GRM1: variants seen among roughly 807,000 people sequenced by gnomAD.
GRM1 encodes metabotropic glutamate receptor 1.
Under a neutral mutation model 90.9 loss-of-function variants are expected in GRM1, and 33 were observed. The observed-to-expected ratio is 0.36, with a 90% confidence interval of 0.28 to 0.49. The LOEUF (loss-of-function observed/expected upper bound fraction) is 0.49, where lower values mean the gene tolerates loss of function less well. GRM1 is among the 20% of genes least tolerant of loss of function. GRM1 has a pLI of 0.99. For missense variants in GRM1, 1,190 were observed against 1,534.3 expected (o/e 0.78, Z 3.75); for synonymous variants, 700 against 613.2 (o/e 1.14, Z -2.09).
chr6:146,355,450 C>G (rs1005717985), intron 4 of GRM1, among the ~76,000 whole-genome samples: 7 of 152,226 alleles, frequency 4.6e-5, no homozygotes, highest in African/African-American at 9.6e-5. Flanking sequence ...GTACCATTCT[C>G]TCTTCTCATT....
At chr6:146,257,852 G>T (rs901368855) in intron 2 of GRM1, among the ~76,000 whole-genome samples, 10 of 152,094 alleles carry the variant, frequency 6.6e-5, no homozygotes, top group African/African-American at 2.4e-4. Context: ...ATTTTATTGG[G>T]AAACACTCTT....
In GRM1 at chr6:146,399,678, A is replaced by G. The variant is rs1777082914; in HGVS notation, c.2639A>G (p.Lys880Arg). The change falls in exon 7 of 8, where the codon AAG becomes AGG. Residue 880 changes from lysine to arginine, a missense_variant. Lys to Arg is a conservative substitution (Grantham distance 26). Around this residue, in one of 10 missense-constraint regions of GRM1, gnomAD observed 400 missense variants for 360.8 expected, o/e 1.11. Transcript: ENST00000282753. The surrounding 1 kb of genome is among the most constrained non-coding windows in gnomAD (Gnocchi z 5.4). ...NTFLNIFRRK[K>R]AGAGNANSNG... The stretch of plus-strand genomic sequence containing the variant: ...TTCCTCAACATCTTCCGAAGAAAGA[A>G]GGCAGGGGCAGGGAATGCCAAGTGA... The G allele has an allele frequency of 6.2e-7, 1 of 1,612,128 alleles. No individual in the cohort carries two copies. Among genetic ancestry groups the G allele is most frequent in the Non-Finnish European group, 8.5e-7 (1 of 1,179,482 alleles).
At chr6:146,146,698 C>T (rs1777121719) in intron 1 of GRM1, among the ~76,000 whole-genome samples, 1 of 152,146 alleles carries the variant, frequency 6.6e-6, no homozygotes, top group Non-Finnish European at 1.5e-5. Flanking sequence ...AGCATGTTAG[C>T]ACATGAGCAC....
chr6:146,434,832 A>G lies in GRM1; in HGVS notation c.*36A>G. 3 of 1,540,258 alleles carry G rather than the reference A, an allele frequency of 1.9e-6. No individual in the cohort carries two copies. Among genetic ancestry groups the G allele is most frequent in the Admixed American group, 3.3e-5 (2 of 59,918 alleles). ...TCCACATAGAAAAGCAAGACAAGCCAGAGATCTCCCACACCTCCAGAGATG... is the reference window on the plus strand; with the variant it reads ...TCCACATAGAAAAGCAAGACAAGCCGGAGATCTCCCACACCTCCAGAGATG... On this transcript the variant is annotated 3_prime_UTR_variant, in exon 8 of 8. Transcript: ENST00000282753.
intron 2 of GRM1, among the ~76,000 whole-genome samples, chr6:146,289,837 G>A (rs1055808000): frequency 6.6e-6 from 1 of 152,214 alleles, no homozygotes; most frequent in Admixed American, 6.5e-5. Flanking sequence ...TATATACAGT[G>A]TAGGAATGTA....
chr6:146,044,825 A>T (rs1232680490), intron 1 of GRM1, among the ~76,000 whole-genome samples: 4 of 151,992 alleles, frequency 2.6e-5, no homozygotes, highest in Non-Finnish European at 5.9e-5. Flanking sequence ...AATTTTTTGA[A>T]GTGCTTATAT....
intron 1 of GRM1, among the ~76,000 whole-genome samples, chr6:146,073,095 T>C (rs1776068929): frequency 6.6e-6 from 1 of 152,098 alleles, no homozygotes; most frequent in African/African-American, 2.4e-5. Context: ...TAGTTAATTA[T>C]CTATAAAGGA....
rs1166008558 is a variant in GRM1 at position 146,312,349 on chromosome 6, C to CAAAAAAAAA, written c.1186+7525_1186+7533dup. Among the ~76,000 whole-genome samples the CAAAAAAAAA allele has an allele frequency of 1.4e-3, 30 of 21,340 alleles. 1 individual carries two copies. Among genetic ancestry groups the CAAAAAAAAA allele is most frequent in the African/African-American group, 1.9e-3 (14 of 7,216 alleles). The allele number at this position is 21,340 out of a possible 152,430, so 14.0% of individuals were successfully genotyped here. On this transcript the variant is annotated intron_variant, in intron 3 of 7. Transcript: ENST00000282753. ...GAGCCTGGGTGAAAGAACTCCGTCT[C>CAAAAAAAAA]AAAAAAAAAAAAAAAAAAAAAAAAA...
Position 146,032,408 on chromosome 6 carries a change from T to G in GRM1, c.700+2191T>G, listed in dbSNP as rs117569196. Among the ~76,000 whole-genome samples the G allele has an allele frequency of 4.7e-3, 722 of 152,282 alleles. 18 individuals are homozygous for G. The East Asian group carries it at 0.071, about 15-fold the overall frequency. On this transcript the variant is annotated intron_variant, in intron 1 of 7. Transcript: ENST00000282753. Reference sequence around the variant, plus strand: ...AAACGTAACATCTGTAAAAACTAAATTGCATTTCTTTCCTTCTATCTGGAA... The same window carrying G: ...AAACGTAACATCTGTAAAAACTAAAGTGCATTTCTTTCCTTCTATCTGGAA...
intron 7 of GRM1, among the ~76,000 whole-genome samples, chr6:146,419,661 A>G (rs999833967): frequency 1.3e-5 from 2 of 152,214 alleles, no homozygotes; most frequent in Non-Finnish European, 2.9e-5. Flanking sequence ...CAGGAAACTT[A>G]CAAACATGGC....
At chr6:146,085,349 G>T (rs570621925) in intron 1 of GRM1, among the ~76,000 whole-genome samples, 1 of 152,054 alleles carries the variant, frequency 6.6e-6, no homozygotes. Context: ...AACAGTAAAA[G>T]AAACACTAAT....
chr6:146,091,530 A>C (rs1776716090), intron 1 of GRM1, among the ~76,000 whole-genome samples: 1 of 152,080 alleles, frequency 6.6e-6, no homozygotes, highest in Admixed American at 6.5e-5. Flanking sequence ...AGAACAACAT[A>C]AATAAAGGGA....
intron 2 of GRM1, among the ~76,000 whole-genome samples, chr6:146,254,656 A>G (rs1389100626): frequency 6.6e-6 from 1 of 151,992 alleles, no homozygotes; most frequent in Non-Finnish European, 1.5e-5. Flanking sequence ...GTTTTGTTCT[A>G]TTTTATTCTA....
intron 2 of GRM1, among the ~76,000 whole-genome samples, chr6:146,220,577 T>A (rs1780026660): frequency 6.6e-6 from 1 of 152,214 alleles, no homozygotes; most frequent in African/African-American, 2.4e-5. Context: ...TTTCAGAAAC[T>A]GCTGAATATT....
chr6:146,285,908 A>G (rs1415287258), intron 2 of GRM1, among the ~76,000 whole-genome samples: 1 of 152,204 alleles, frequency 6.6e-6, no homozygotes, highest in Non-Finnish European at 1.5e-5. Flanking sequence ...TTGGATATGC[A>G]TATTTCATAT....
At chr6:146,052,682 T>A (rs1775337183) in intron 1 of GRM1, among the ~76,000 whole-genome samples, 1 of 152,034 alleles carries the variant, frequency 6.6e-6, no homozygotes, top group South Asian at 2.1e-4. Flanking sequence ...CTTCAGCTAT[T>A]TTTGTGGCTG....
intron 1 of GRM1, among the ~76,000 whole-genome samples, chr6:146,096,854 C>A (rs1393371078): frequency 6.6e-6 from 1 of 152,036 alleles, no homozygotes; most frequent in Non-Finnish European, 1.5e-5. Flanking sequence ...TTAATGTTAT[C>A]TACTGAAATA....
At chr6:146,362,502 A>G (rs543437539) in intron 5 of GRM1, among the ~76,000 whole-genome samples, 2 of 151,864 alleles carry the variant, frequency 1.3e-5, no homozygotes, top group African/African-American at 4.8e-5. Context: ...ACATGGTGAA[A>G]CCCCATCTCT....
intron 1 of GRM1, among the ~76,000 whole-genome samples, chr6:146,042,311 C>G (rs1791143238): frequency 6.6e-6 from 1 of 152,038 alleles, no homozygotes; most frequent in Admixed American, 6.5e-5. Flanking sequence ...TGCTAATATG[C>G]ATCCTTGTTC....
Sources: allele counts gnomAD v4.1 joint callset (sites outside exome capture counted in the v4.1 genomes callset), GRCh38; gene constraint gnomAD v4.1.1; regional missense constraint gnomAD v4.1.1; non-coding constraint Gnocchi (gnomAD v3.1); transcripts MANE v1.5; gene names NCBI Gene and HGNC (gene_info 2026-07-23, HGNC 2026-07-21).